The following LATS1 variants were observed in gnomAD, a reference collection of about 807,000 sequenced individuals.
LATS1 encodes serine/threonine-protein kinase LATS1.
In LATS1, 25 loss-of-function variants were observed where a neutral mutation model predicts 106.6. That is an observed-to-expected ratio of 0.23 (90% CI 0.17 to 0.33). The LOEUF is 0.33. Among genes scored for constraint, LATS1 ranks in the 10% least tolerant of loss-of-function variants. LATS1 has a pLI of 1.00. For synonymous variants in LATS1, 465 were observed against 455.6 expected, an observed-to-expected ratio of 1.02 and a Z score of -0.26; for missense variants, 1,040 against 1,382.6, an observed-to-expected ratio of 0.75 and a Z score of 3.93.
intron 3 of LATS1, among the ~76,000 whole-genome samples, chr6:149,692,332 A>T (rs1338439044): frequency 6.6e-6 from 1 of 151,938 alleles, no homozygotes; most frequent in Admixed American, 6.6e-5. Context: ...CACTCACTAA[A>T]CCCATTCCCA....
intron 1 of LATS1, 22 bp downstream of exon 1, chr6:149,717,827 G>A (rs1417037017): frequency 3.4e-6 from 1 of 293,686 alleles, no homozygotes; most frequent in Admixed American, 5.8e-5. Flanking sequence ...GAGCGCACCC[G>A]CTACGCCAGC....
intron 3 of LATS1, among the ~76,000 whole-genome samples, chr6:149,689,456 C>T (rs976182270): frequency 2.0e-5 from 3 of 150,144 alleles, no homozygotes; most frequent in African/African-American, 4.9e-5. Context: ...GCAATATTAT[C>T]GATCTTATTT....
rs142425039 is a variant in LATS1 at position 149,709,668 on chromosome 6, C to CTTT, written c.-140-7405_-140-7403dup. 6.8e-4 allele frequency among the ~76,000 whole-genome samples: 51 copies of CTTT among 75,500 alleles called. 5 individuals are homozygous for CTTT. Among genetic ancestry groups the CTTT allele is most frequent in the East Asian group, 2.2e-3 (4 of 1,842 alleles). 49.5% of individuals were successfully genotyped at this position (75,500 alleles called of 152,430 possible). On this transcript the variant is annotated intron_variant, in intron 1 of 7. Transcript: ENST00000543571. ...AACCCTGGTCTCCACAACCCCTTAT[C>CTTT]TTTTTTTTTTTTTTTTTTTTTTTTT...
At chr6:149,685,135 G>T (rs1782295419) in intron 3 of LATS1, among the ~76,000 whole-genome samples, 1 of 152,010 alleles carries the variant, frequency 6.6e-6, no homozygotes. Context: ...CCACTCGGGA[G>T]GCTGAGGCAG....
intron 1 of LATS1, among the ~76,000 whole-genome samples, chr6:149,711,333 A>G (rs911316107): frequency 2.0e-5 from 3 of 152,150 alleles, no homozygotes; most frequent in Non-Finnish European, 4.4e-5. Flanking sequence ...TCACGAGGTC[A>G]GGAGTTTGAG....
rs1235872649 is a variant in LATS1 at position 149,659,726 on chromosome 6, GA to G, written c.*2002del. On this transcript the variant is annotated 3_prime_UTR_variant, in exon 8 of 8. Transcript: ENST00000543571. Reference sequence around the variant, plus strand: ...TGTGACTACCCACCTAAAAATTCTTGAACTACTTTGTTTTGCATAGGATTTT... The same window carrying G: ...TGTGACTACCCACCTAAAAATTCTTGACTACTTTGTTTTGCATAGGATTTT... The G allele has an allele frequency of 4.4e-6, 1 of 227,270 alleles. No homozygotes were observed. The highest frequency in any genetic ancestry group is 8.7e-6 in the Non-Finnish European group (1 of 114,474). 14.1% of individuals were successfully genotyped at this position (227,270 alleles called of 1,614,324 possible).
Position 149,660,694 on chromosome 6 carries a change from T to C in LATS1, c.*1035A>G, listed in dbSNP as rs933690920. On this transcript the variant is annotated 3_prime_UTR_variant, in exon 8 of 8. Transcript: ENST00000543571. ...TGAATTTTCTACTAAGACCACTCTG[T>C]AAACTTTCCTAATTATTAATGGCCA... The C allele has an allele frequency of 4.3e-6, 1 of 230,108 alleles. No individual in the cohort carries two copies. The highest frequency in any genetic ancestry group is 2.2e-5 in the African/African-American group (1 of 45,298). The allele number at this position is 230,108 out of a possible 1,614,324, so 14.3% of individuals were successfully genotyped here. A position where few individuals can be genotyped will look rare whatever the true frequency, so the allele number is the denominator to read the frequency against.
At chr6:149,670,309 CA>C (rs1465372260) in intron 7 of LATS1, among the ~76,000 whole-genome samples, 1 of 151,106 alleles carries the variant, frequency 6.6e-6, no homozygotes, top group African/African-American at 2.4e-5. Flanking sequence ...TAGAAGGAGA[CA>C]TCACAGAAAA....
At chr6:149,667,437 T>C (rs1323113043) in intron 7 of LATS1, among the ~76,000 whole-genome samples, 1 of 15,824 alleles carries the variant, frequency 6.3e-5, no homozygotes, top group Non-Finnish European at 1.2e-4. Flanking sequence ...AGACTGTATC[T>C]CAAAAAAAAA....
intron 7 of LATS1, among the ~76,000 whole-genome samples, chr6:149,674,306 C>T (rs1781596616): frequency 6.6e-6 from 1 of 151,162 alleles, no homozygotes; most frequent in Non-Finnish European, 1.5e-5. Flanking sequence ...AACTCCTGAC[C>T]TCAGGTGATC....
chr6:149,699,794 G>GGGT (rs1256601840), intron 2 of LATS1, among the ~76,000 whole-genome samples: 13 of 152,146 alleles, frequency 8.5e-5, no homozygotes, highest in African/African-American at 3.1e-4. Context: ...CCTGACTGAT[G>GGGT]GGTGGGGTGC....
intron 2 of LATS1, among the ~76,000 whole-genome samples, chr6:149,701,028 C>G (rs1783428963): frequency 6.6e-6 from 1 of 152,188 alleles, no homozygotes; most frequent in Admixed American, 6.5e-5. Flanking sequence ...GATGATCCAC[C>G]CACCTTGGCT....
At chr6:149,714,229 C>T (rs1784263723) in intron 1 of LATS1, among the ~76,000 whole-genome samples, 1 of 152,172 alleles carries the variant, frequency 6.6e-6, no homozygotes, top group Admixed American at 6.5e-5. Flanking sequence ...ACCTCAGCCT[C>T]CCAAAGTGCT....
rs779332749 is a variant in LATS1 at position 149,717,998 on chromosome 6, G to T, written c.-290C>A. The T allele has an allele frequency of 1.5e-4, 55 of 362,838 alleles. No individual in the cohort carries two copies. Among genetic ancestry groups the T allele is most frequent in the Non-Finnish European group, 2.6e-4 (50 of 189,250 alleles). 22.5% of individuals were successfully genotyped at this position (362,838 alleles called of 1,614,324 possible). Reference sequence around the variant, plus strand: ...GGGCTGCCGCGGGCCAGCGCGGCCCGTCCCAGGGGTCGTGAGGACCTGGCT... The same window carrying T: ...GGGCTGCCGCGGGCCAGCGCGGCCCTTCCCAGGGGTCGTGAGGACCTGGCT... On this transcript the variant is annotated 5_prime_UTR_variant, in exon 1 of 8. Coordinates refer to ENST00000543571, the MANE Select transcript of LATS1 (RefSeq NM_004690.4).
rs1283550772 is a variant in LATS1 at position 149,658,992 on chromosome 6, CA to C, written c.*2736del. On this transcript the variant is annotated 3_prime_UTR_variant, in exon 8 of 8. Transcript: ENST00000543571. ...CAATGGAAAGCATCTATATTTTTAA[CA>C]TTGTTTTTCTCATCTTTTTGGTCAG... 2 of 152,140 alleles carry C rather than the reference CA, an allele frequency of 1.3e-5. No homozygotes were observed. The highest frequency in any genetic ancestry group is 2.9e-5 in the Non-Finnish European group (2 of 68,062). 9.4% of individuals were successfully genotyped at this position (152,140 alleles called of 1,614,324 possible).
At chr6:149,697,903 A>C (rs1783193002) in intron 2 of LATS1, among the ~76,000 whole-genome samples, 1 of 152,044 alleles carries the variant, frequency 6.6e-6, no homozygotes, top group Non-Finnish European at 1.5e-5. Flanking sequence ...CGCCTGGCTA[A>C]TTTATATTTT....
rs1217079591 is a variant in LATS1, at chr6:149,678,162, TCCAAAAAAAAA to T, written c.2594-1436_2594-1426del. Among the ~76,000 whole-genome samples, 83 of 28,626 alleles carry T rather than the reference TCCAAAAAAAAA, an allele frequency of 2.9e-3. 3 individuals carry two copies. The East Asian group carries it at 0.066, about 23-fold the overall frequency. 18.8% of individuals were successfully genotyped at this position (28,626 alleles called of 152,430 possible). On this transcript the variant is annotated intron_variant, in intron 5 of 7. Transcript: ENST00000543571. ...GGTGAAACCTGGTCTCTACTAAAAA[TCCAAAAAAAAA>T]AAAAAAAAAAAAAAAAAAAAAATAG...
intron 1 of LATS1, among the ~76,000 whole-genome samples, chr6:149,704,887 TACACACACACACACACACAC>T (rs57029776): frequency 1.4e-5 from 2 of 139,874 alleles, no homozygotes; most frequent in South Asian, 2.4e-4. Context: ...AAATTAATTA[TACACACACACACACACACAC>T]ACACACACAC....
intron 1 of LATS1, among the ~76,000 whole-genome samples, chr6:149,716,908 G>C (rs2115043515): frequency 6.6e-6 from 1 of 152,224 alleles, no homozygotes; most frequent in South Asian, 2.1e-4. Context: ...CTTCCTCATG[G>C]AGGAAATTTG....
Sources: allele counts gnomAD v4.1 joint callset (sites outside exome capture counted in the v4.1 genomes callset), GRCh38; gene constraint gnomAD v4.1.1; transcripts MANE v1.5; gene names NCBI Gene and HGNC (gene_info 2026-07-23, HGNC 2026-07-21).